ZNF565: variants seen among roughly 807,000 people sequenced by gnomAD.
ZNF565 encodes zinc finger protein 565.
In ZNF565, 27 loss-of-function variants were observed where a neutral mutation model predicts 39.4. That is an observed-to-expected ratio of 0.69 (90% CI 0.51 to 0.95). The LOEUF (loss-of-function observed/expected upper bound fraction) is 0.95, where lower values mean the gene tolerates loss of function less well. Among genes scored for constraint, ZNF565 ranks in the 40% least tolerant of loss-of-function variants. ZNF565 has a pLI of 0.00. For synonymous variants in ZNF565, 185 were observed against 216.6 expected, an observed-to-expected ratio of 0.85 and a Z score of 1.28; for missense variants, 524 against 621.1, an observed-to-expected ratio of 0.84 and a Z score of 1.66.
chr19:36,244,849 T>TAAA (rs775546485), intron 1 of ZNF565, among the ~76,000 whole-genome samples: 34,955 of 128,544 alleles, frequency 0.27, 5,067 homozygotes, highest in South Asian at 0.41. Flanking sequence ...GACTACGTCT[T>TAAA]AAAAAAAAAA....
chr19:36,187,815 C>T (rs62113091), intron 4 of ZNF565, among the ~76,000 whole-genome samples: 38,148 of 149,870 alleles, frequency 0.25, 5,009 homozygotes, highest in East Asian at 0.4. Context: ...TTTTTTGTAT[C>T]TTTTAGTAGA....
At chr19:36,226,322 T>C (rs1977065686) in intron 1 of ZNF565, among the ~76,000 whole-genome samples, 1 of 152,342 alleles carries the variant, frequency 6.6e-6, no homozygotes. Flanking sequence ...GTTTAAATCA[T>C]GCTCTAAGCC....
At chr19:36,210,933 G>C (rs1044146100) in intron 1 of ZNF565, among the ~76,000 whole-genome samples, 16 of 151,712 alleles carry the variant, frequency 1.1e-4, no homozygotes, top group African/African-American at 3.9e-4. Context: ...AAATAAAGAG[G>C]CCACATTGAA....
At chr19:36,192,234 G>A (rs548248412) in intron 4 of ZNF565, among the ~76,000 whole-genome samples, 3 of 151,258 alleles carry the variant, frequency 2.0e-5, no homozygotes, top group Non-Finnish European at 4.4e-5. Context: ...TGATTCGCCC[G>A]CCTTGGCCTC....
rs1975679640 is a variant in ZNF565, at chr19:36,194,297, G to A, written c.168C>T (p.Ser56=). 11 of 1,612,468 alleles carry A rather than the reference G, an allele frequency of 6.8e-6. No individual in the cohort carries two copies. Among genetic ancestry groups the A allele is most frequent in the Admixed American group, 1.7e-5 (1 of 59,770 alleles). Reference sequence around the variant, plus strand: ...AGGGCTCTTTCCCTTGCTCCAATAAGGAGACGACATCAGGCTTAGAAATGG... The same window carrying A: ...AGGGCTCTTTCCCTTGCTCCAATAAAGAGACGACATCAGGCTTAGAAATGG... ...GLSISKPDVV[S]LLEQGKEPWM... The change falls in exon 4 of 5, where the codon TCC becomes TCT. Residue 56 remains serine (S), a synonymous_variant. Transcript: ENST00000304116.
At chr19:36,240,824 C>T (rs1015546654) in intron 1 of ZNF565, among the ~76,000 whole-genome samples, 1 of 150,856 alleles carries the variant, frequency 6.6e-6, no homozygotes. Flanking sequence ...GAGCCAGGAT[C>T]GTGCTACTGC....
At position 36,202,052 on chromosome 19, in the gene ZNF565, T is replaced by G; in HGVS notation, c.-65-2A>C. On this transcript the variant is annotated splice_acceptor_variant, in intron 1 of 4. Transcript: ENST00000304116. LOFTEE classifies it low-confidence loss of function (5UTR_SPLICE). ...CTTCTCTTGGACAAGTGCAGAGTCCTGAAAAAGCAAAATGGGGGGAGATGG... is the reference window on the plus strand; with the variant it reads ...CTTCTCTTGGACAAGTGCAGAGTCCGGAAAAAGCAAAATGGGGGGAGATGG... 6.3e-7 allele frequency: 1 copy of G among 1,589,280 alleles called. No individual in the cohort carries two copies. Among genetic ancestry groups the G allele is most frequent in the Non-Finnish European group, 8.6e-7 (1 of 1,157,762 alleles).
intron 1 of ZNF565, among the ~76,000 whole-genome samples, chr19:36,210,099 C>CA (rs1405919070): frequency 1.3e-5 from 2 of 150,912 alleles, no homozygotes; most frequent in African/African-American, 4.9e-5. Flanking sequence ...CTTGTCTCTA[C>CA]AAAAAATCTT....
At chr19:36,194,837 T>G (rs1975697991) in intron 3 of ZNF565, 193 bp downstream of exon 3, 1 of 791,754 alleles carries the variant, frequency 1.3e-6, no homozygotes, top group African/African-American at 1.7e-5. Context: ...CCTCTCTCCC[T>G]CCTTTGACCC....
At chr19:36,192,134 ACCCG>A (rs1568413745) in intron 4 of ZNF565, among the ~76,000 whole-genome samples, 2 of 150,914 alleles carry the variant, frequency 1.3e-5, no homozygotes, top group African/African-American at 4.9e-5. Flanking sequence ...GACTACAGGC[ACCCG>A]CCACCACGCC....
At chr19:36,236,556 C>A in intron 1 of ZNF565, 2 of 1,614,068 alleles carry the variant, frequency 1.2e-6, no homozygotes, top group Non-Finnish European at 1.7e-6. Context: ...CATTTTCACA[C>A]GAGAGAGAAA....
intron 1 of ZNF565, among the ~76,000 whole-genome samples, chr19:36,239,165 GCAGAAT>G (rs761741471): frequency 3.9e-5 from 6 of 152,054 alleles, no homozygotes; most frequent in Non-Finnish European, 8.8e-5. Flanking sequence ...CTAACATTTT[GCAGAAT>G]GAGCTTAGAA....
chr19:36,207,358 A>C (rs1976192462), intron 1 of ZNF565, among the ~76,000 whole-genome samples: 1 of 152,136 alleles, frequency 6.6e-6, no homozygotes, highest in Non-Finnish European at 1.5e-5. Context: ...AGCCTGGTCA[A>C]CAGAAGCCCT....
chr19:36,241,537 A>T (rs1433814713), intron 1 of ZNF565, among the ~76,000 whole-genome samples: 2 of 151,670 alleles, frequency 1.3e-5, no homozygotes, highest in Non-Finnish European at 2.9e-5. Flanking sequence ...TCACGCCTGT[A>T]ATCCCAGCAC....
chr19:36,217,583 C>T (rs1176369931), upstream of ZNF565, among the ~76,000 whole-genome samples: 1 of 151,924 alleles, frequency 6.6e-6, no homozygotes, highest in Non-Finnish European at 1.5e-5. Flanking sequence ...GTATGATACA[C>T]GATGCATTTG....
In ZNF565 at chr19:36,223,841, G is replaced by A. The variant is rs115470460; in HGVS notation, c.55+21635C>T. On this transcript the variant is annotated intron_variant, in intron 1 of 4. Transcript: ENST00000355114. The stretch of plus-strand genomic sequence containing the variant: ...AGCTGACTGCAGCCTTCATATCCTC[G>A]CTAATTTAAAAAAAAAAAAATTGTA... Among the ~76,000 whole-genome samples the A allele has an allele frequency of 4.7e-3, 711 of 150,084 alleles. 6 individuals are homozygous for A. The highest frequency in any genetic ancestry group is 0.017 in the African/African-American group (676 of 40,192).
chr19:36,241,858 C>G (rs74552403), intron 1 of ZNF565, among the ~76,000 whole-genome samples: 301 of 146,514 alleles, frequency 2.1e-3, no homozygotes, highest in African/African-American at 7.3e-3. Flanking sequence ...ACACCGTATA[C>G]AAAACTTAAC....
upstream of ZNF565, chr19:36,214,710 G>C (rs1232114075): frequency 2.0e-5 from 3 of 152,804 alleles, no homozygotes; most frequent in East Asian, 5.8e-4. Flanking sequence ...GGCCGCTGTG[G>C]GCTCTGGGAA....
chr19:36,217,315 G>A (rs907521434), upstream of ZNF565, among the ~76,000 whole-genome samples: 2 of 151,464 alleles, frequency 1.3e-5, no homozygotes. Context: ...GGCCCGCCTC[G>A]GCTTCCCAAA....
Sources: allele counts gnomAD v4.1 joint callset (sites outside exome capture counted in the v4.1 genomes callset), GRCh38; gene constraint gnomAD v4.1.1; transcripts MANE v1.5; gene names NCBI Gene and HGNC (gene_info 2026-07-23, HGNC 2026-07-21).